The following RORA variants were observed in gnomAD, a reference collection of about 807,000 sequenced individuals.
The protein encoded by RORA is nuclear receptor ROR-alpha.
In RORA, 7 loss-of-function variants were observed where a neutral mutation model predicts 69.5. The observed-to-expected ratio is 0.10, with a 90% CI of 0.06 to 0.19. RORA has a LOEUF of 0.19. RORA is among the 10% of genes least tolerant of loss of function. RORA has a pLI of 1.00. For synonymous variants in RORA, 261 were observed against 240.8 expected (o/e 1.08, Z -0.78); for missense variants, 457 against 663.0 (o/e 0.69, Z 3.41).
intron 1 of RORA, among the ~76,000 whole-genome samples, chr15:61,146,630 G>T (rs2079352602): frequency 6.6e-6 from 1 of 152,114 alleles, no homozygotes; most frequent in Non-Finnish European, 1.5e-5. Context: ...ACATGTTAAT[G>T]ATTTCAGACA....
intron 1 of RORA, among the ~76,000 whole-genome samples, chr15:60,785,717 C>T (rs761018957): frequency 2.0e-5 from 3 of 152,222 alleles, no homozygotes; most frequent in Non-Finnish European, 2.9e-5. Context: ...TTGCATATCA[C>T]ACTCCCTTTG....
intron 1 of RORA, among the ~76,000 whole-genome samples, chr15:61,079,043 C>T (rs1278058442): frequency 6.6e-6 from 1 of 152,126 alleles, no homozygotes; most frequent in African/African-American, 2.4e-5. Context: ...AGTCCACATG[C>T]CTCCCACTCT....
chr15:60,581,577 T>C (rs755137583), intron 2 of RORA, among the ~76,000 whole-genome samples: 1 of 152,210 alleles, frequency 6.6e-6, no homozygotes, highest in Non-Finnish European at 1.5e-5. Context: ...TTTAAAGATC[T>C]CTGTTGAAAA....
In RORA at chr15:60,670,742, T is replaced by C. The variant is rs374860741; in HGVS notation, c.196+7915A>G. On this transcript the variant is annotated intron_variant, in intron 2 of 10. Coordinates refer to ENST00000335670, the MANE Select transcript of RORA (RefSeq NM_134261.3). ...TAATTGAATAGCTTAAAAATCTTCA[T>C]CCTTATAATGTATAGATGTGGATGT... 7.0e-4 allele frequency among the ~76,000 whole-genome samples: 107 copies of C among 152,274 alleles called. 2 individuals carry two copies. The South Asian group carries it at 0.021, about 30-fold the overall frequency.
intron 1 of RORA, among the ~76,000 whole-genome samples, chr15:61,132,774 T>C (rs547169522): frequency 6.6e-6 from 1 of 152,330 alleles, no homozygotes; most frequent in African/African-American, 2.4e-5. Flanking sequence ...GGTTAAACTA[T>C]ACTGCTGGCA....
intron 1 of RORA, among the ~76,000 whole-genome samples, chr15:60,933,131 C>T (rs189590928): frequency 3.0e-4 from 46 of 152,262 alleles, no homozygotes; most frequent in Admixed American, 1.8e-3. Flanking sequence ...ATTACCCATC[C>T]CAATTTCATC....
intron 1 of RORA, among the ~76,000 whole-genome samples, chr15:60,781,475 G>C (rs1595710459): frequency 1.3e-5 from 2 of 152,138 alleles, no homozygotes; most frequent in East Asian, 3.9e-4. Flanking sequence ...TCAGCAGCAC[G>C]GAGGGGACCC....
In RORA at chr15:60,531,866, C is replaced by T. The variant is rs771171161; in HGVS notation, c.197-15G>A. The T allele has an allele frequency of 2.2e-5, 33 of 1,529,070 alleles. No homozygotes were observed. The highest frequency in any genetic ancestry group is 5.9e-5 in the Admixed American group (3 of 50,964). The allele number at this position is 1,529,070 out of a possible 1,614,324, so 94.7% of individuals were successfully genotyped here. ...TTCAATTTGAGCTGCAACAGAAGCA[C>T]GCAACCAGTTAATTACATTTTCTTT... On this transcript the variant is annotated splice_polypyrimidine_tract_variant and intron_variant, in intron 2 of 10. Transcript: ENST00000335670. The surrounding 1 kb of genome is among the most constrained non-coding windows in gnomAD (Gnocchi z 4.8).
intron 1 of RORA, among the ~76,000 whole-genome samples, chr15:61,057,497 G>T (rs1288840097): frequency 2.0e-5 from 3 of 152,144 alleles, no homozygotes; most frequent in African/African-American, 7.2e-5. Flanking sequence ...TTTTTAAACT[G>T]AAAGCACATG....
At chr15:60,677,780 C>T (rs1404070886) in intron 2 of RORA, among the ~76,000 whole-genome samples, 3 of 152,158 alleles carry the variant, frequency 2.0e-5, no homozygotes, top group African/African-American at 4.8e-5. Context: ...CTTGTTGTCC[C>T]TGTATTGTGC....
intron 1 of RORA, among the ~76,000 whole-genome samples, chr15:60,807,118 A>G (rs1169775774): frequency 6.6e-6 from 1 of 152,166 alleles, no homozygotes; most frequent in African/African-American, 2.4e-5. Flanking sequence ...GAGGAAGTCA[A>G]ACTGTTGCTG....
At chr15:60,720,213 C>A (rs2071274567) in intron 1 of RORA, among the ~76,000 whole-genome samples, 1 of 152,170 alleles carries the variant, frequency 6.6e-6, no homozygotes. Flanking sequence ...CCATGAAGGT[C>A]TCTTGAGTCC....
At chr15:60,862,984 T>C (rs566345898) in intron 1 of RORA, among the ~76,000 whole-genome samples, 43 of 152,342 alleles carry the variant, frequency 2.8e-4, no homozygotes, top group Non-Finnish European at 5.1e-4. Context: ...GGTTCTCCCT[T>C]CAGGCAGGTT....
At chr15:60,856,054 C>T (rs1482099824) in intron 1 of RORA, among the ~76,000 whole-genome samples, 3 of 152,160 alleles carry the variant, frequency 2.0e-5, no homozygotes, top group African/African-American at 4.8e-5. Flanking sequence ...TTTCAGCAAC[C>T]TCAAGGGATC....
chr15:60,981,681 T>C (rs1289297710), intron 1 of RORA, among the ~76,000 whole-genome samples: 1 of 152,200 alleles, frequency 6.6e-6, no homozygotes, highest in Non-Finnish European at 1.5e-5. Context: ...TTATTGGTAT[T>C]CACTATTTGG....
At chr15:60,794,171 T>C (rs549896291) in intron 1 of RORA, among the ~76,000 whole-genome samples, 1 of 152,312 alleles carries the variant, frequency 6.6e-6, no homozygotes, top group South Asian at 2.1e-4. Context: ...CACATTCATA[T>C]AATTATTTAC....
At chr15:60,582,768 A>T (rs1041148885) in intron 2 of RORA, among the ~76,000 whole-genome samples, 2 of 152,238 alleles carry the variant, frequency 1.3e-5, no homozygotes, top group South Asian at 4.1e-4. Context: ...CTTTAGATAG[A>T]TTAATACGCA....
intron 2 of RORA, among the ~76,000 whole-genome samples, chr15:60,572,507 G>GAA (rs58966097): frequency 1.5e-3 from 221 of 146,962 alleles, no homozygotes; most frequent in African/African-American, 5.1e-3. Context: ...TTGGTAGCAA[G>GAA]AAAAAAAAAA....
Position 60,531,400 on chromosome 15 carries a change from A to G in RORA, c.282+366T>C, listed in dbSNP as rs2066521195. The G allele has an allele frequency of 1.0e-5, 2 of 196,090 alleles. No individual in the cohort carries two copies. Among genetic ancestry groups the G allele is most frequent in the South Asian group, 2.2e-4 (2 of 9,240 alleles). The allele number at this position is 196,090 out of a possible 1,614,324, so 12.1% of individuals were successfully genotyped here. A position where few individuals can be genotyped will look rare whatever the true frequency, so the allele number is the denominator to read the frequency against. On this transcript the variant is annotated intron_variant, in intron 3 of 10. Transcript: ENST00000335670. The surrounding 1 kb of genome is among the most constrained non-coding windows in gnomAD (Gnocchi z 4.8). ...TAAGACTCAACTCAGTGACATTCCA[A>G]TTAAACTTACTGGAGATGTCTTTTT...
Sources: gnomAD v4.1 joint callset for allele counts (sites outside exome capture counted in the v4.1 genomes callset) on GRCh38, gnomAD v4.1.1 for gene constraint, Gnocchi (gnomAD v3.1) non-coding constraint, MANE v1.5 for transcripts, NCBI Gene and HGNC (gene_info 2026-07-23, HGNC 2026-07-21) for gene names.